The following SLC10A1 variants were observed in gnomAD, a reference collection of about 807,000 sequenced individuals.
SLC10A1 encodes the protein solute carrier family 10 member 1.
A neutral mutation model predicts 20.5 loss-of-function variants in SLC10A1; 36 were observed. The ratio of observed to expected loss-of-function variants is 1.75; its 90% CI spans 1.34 to 2.32. SLC10A1 has a LOEUF of 2.32. Among genes scored for constraint, SLC10A1 ranks in the 30% most tolerant of loss-of-function variants. The pLI, the probability that SLC10A1 is intolerant of heterozygous loss-of-function variation, is 0.00. For missense variants in SLC10A1, 545 were observed against 439.1 expected (o/e 1.24, Z -2.16); for synonymous variants, 188 against 163.6 (o/e 1.15, Z -1.14).
chr14:69,785,257 G>T (rs191376965), intron 2 of SLC10A1, among the ~76,000 whole-genome samples: 4 of 152,314 alleles, frequency 2.6e-5, no homozygotes, highest in Admixed American at 2.0e-4. Context: ...GTGGCATGAT[G>T]CCCTGTCTGT....
intron 1 of SLC10A1, among the ~76,000 whole-genome samples, chr14:69,790,472 C>G (rs143364458): frequency 2.1e-3 from 318 of 151,912 alleles, no homozygotes; most frequent in African/African-American, 7.4e-3. Flanking sequence ...TTAAAAAATA[C>G]AATGAACAAG....
chr14:69,784,733 G>A lies in SLC10A1; in HGVS notation c.567+1364C>T, dbSNP rs566843230. 3.3e-5 allele frequency among the ~76,000 whole-genome samples: 5 copies of A among 151,532 alleles called. 1 individual carries two copies. Among genetic ancestry groups the A allele is most frequent in the African/African-American group, 7.3e-5 (3 of 41,018 alleles). On this transcript the variant is annotated intron_variant, in intron 2 of 4. Coordinates refer to ENST00000216540, the MANE Select transcript of SLC10A1 (RefSeq NM_003049.4). ...AGATATTTTAGAAATGAGAGAGAGGGGAGGCTGCTGGGCCAGGGGCATAAT... is the reference window on the plus strand; with the variant it reads ...AGATATTTTAGAAATGAGAGAGAGGAGAGGCTGCTGGGCCAGGGGCATAAT...
intron 2 of SLC10A1, among the ~76,000 whole-genome samples, chr14:69,781,929 G>A (rs981236682): frequency 2.0e-5 from 3 of 152,214 alleles, no homozygotes; most frequent in Non-Finnish European, 4.4e-5. Flanking sequence ...TGAAAGTTGG[G>A]TTATTTTGAT....
intron 3 of SLC10A1, 56 bp downstream of exon 3, chr14:69,779,126 C>T (rs1883522527): frequency 1.5e-6 from 2 of 1,346,210 alleles, no homozygotes; most frequent in Admixed American, 2.4e-5. Flanking sequence ...GTGCTACTCC[C>T]CTCCAGCCTG....
At chr14:69,790,418 T>C (rs1883810142) in intron 1 of SLC10A1, among the ~76,000 whole-genome samples, 1 of 152,124 alleles carries the variant, frequency 6.6e-6, no homozygotes, top group African/African-American at 2.4e-5. Context: ...CTCTTATTTA[T>C]GAACATAGAA....
rs759954170 is a variant in SLC10A1 at position 69,779,221 on chromosome 14, A to C, written c.707T>G (p.Leu236Arg). The change falls in exon 3 of 5, where the codon CTG becomes CGG. Residue 236 changes from leucine (L) to arginine (R), a missense_variant. Physicochemically the swap from Leu to Arg is moderately radical, Grantham distance 102. Transcript: ENST00000216540. Reference sequence around the variant, plus strand: ...GAAGAGAGCAGAGAGAACATAACCCAGCAGAAAGCCAATAAAAGGCATCAG... The same window carrying C: ...GAAGAGAGCAGAGAGAACATAACCCCGCAGAAAGCCAATAAAAGGCATCAG... ...SSLMPFIGFLLGYVLSALFCL... is the reference protein window; with the variant it reads ...SSLMPFIGFLRGYVLSALFCL... 1 of 1,613,262 alleles carries C rather than the reference A, an allele frequency of 6.2e-7. No homozygotes were observed. Among genetic ancestry groups the C allele is most frequent in the Non-Finnish European group, 8.5e-7 (1 of 1,179,842 alleles).
chr14:69,783,681 G>A (rs867014896), intron 2 of SLC10A1, among the ~76,000 whole-genome samples: 12 of 152,214 alleles, frequency 7.9e-5, no homozygotes, highest in Non-Finnish European at 1.6e-4. Context: ...GCAGTGGAGT[G>A]ACATGATAGA....
intron 2 of SLC10A1, among the ~76,000 whole-genome samples, chr14:69,779,681 G>C (rs1006689568): frequency 6.6e-6 from 1 of 152,104 alleles, no homozygotes; most frequent in Admixed American, 6.5e-5. Context: ...TTTAGATTTC[G>C]TATCAGTAGC....
intron 2 of SLC10A1, 49 bp downstream of exon 2, chr14:69,786,048 G>T: frequency 7.8e-7 from 1 of 1,275,010 alleles, no homozygotes; most frequent in Non-Finnish European, 1.1e-6. Context: ...AGTTGTATAT[G>T]GTGTTTTTAC....
intron 1 of SLC10A1, among the ~76,000 whole-genome samples, chr14:69,794,187 G>A (rs918916856): frequency 1.3e-5 from 2 of 152,148 alleles, no homozygotes; most frequent in Non-Finnish European, 2.9e-5. Context: ...GCTACAGCTG[G>A]CCCTTTGACA....
intron 1 of SLC10A1, among the ~76,000 whole-genome samples, chr14:69,791,636 T>G (rs1883843251): frequency 6.6e-6 from 1 of 152,160 alleles, no homozygotes; most frequent in South Asian, 2.1e-4. Context: ...GACTTAACTT[T>G]CAGATAACAA....
At chr14:69,777,794 G>T (rs964736913) in intron 4 of SLC10A1, among the ~76,000 whole-genome samples, 1 of 151,442 alleles carries the variant, frequency 6.6e-6, no homozygotes, top group Admixed American at 6.6e-5. Context: ...TTTAACAACC[G>T]TATGCTTAAG....
In SLC10A1 at chr14:69,797,076, A is replaced by G; in HGVS notation, c.80T>C (p.Leu27Pro). 6.2e-7 allele frequency: 1 copy of G among 1,614,158 alleles called. No individual in the cohort carries two copies. Among genetic ancestry groups the G allele is most frequent in the Non-Finnish European group, 8.5e-7 (1 of 1,180,022 alleles). ...NFGKRPTDLA[L>P]SVILVFMLFF... ...CAACATGAACACCAGGATGACGCTC[A>G]GTGCCAGGTCTGTGGGGCGCTTGCC... The change falls in exon 1 of 5, where the codon CTG becomes CCG. Residue 27 changes from leucine (L) to proline (P), a missense_variant. Leu to Pro is a moderately conservative substitution (Grantham distance 98). Transcript: ENST00000216540.
At chr14:69,785,437 G>A (rs1883689264) in intron 2 of SLC10A1, among the ~76,000 whole-genome samples, 1 of 152,056 alleles carries the variant, frequency 6.6e-6, no homozygotes, top group South Asian at 2.1e-4. Flanking sequence ...TTCTCCCCAG[G>A]TTTACCTAAA....
intron 1 of SLC10A1, 57 bp from the exon 2 acceptor site, chr14:69,786,364 T>A: frequency 6.9e-7 from 1 of 1,446,812 alleles, no homozygotes; most frequent in Non-Finnish European, 9.7e-7. Flanking sequence ...ACAGACTATT[T>A]TGTTGAGTGC....
chr14:69,779,628 G>A (rs116084010), intron 2 of SLC10A1, among the ~76,000 whole-genome samples: 3,528 of 152,218 alleles, frequency 0.023, 93 homozygotes, highest in African/African-American at 0.063. Context: ...GCCTTCCAAA[G>A]TGCTGGGATT....
Position 69,797,088 on chromosome 14 carries a change from G to A in SLC10A1, c.68C>T (p.Thr23Ile), listed in dbSNP as rs1463688979. 1 of 1,614,152 alleles carries A rather than the reference G, an allele frequency of 6.2e-7. No individual in the cohort carries two copies. Among genetic ancestry groups the A allele is most frequent in the Admixed American group, 1.7e-5 (1 of 60,022 alleles). ...CAGGATGACGCTCAGTGCCAGGTCT[G>A]TGGGGCGCTTGCCAAAGTTGGGTGG... is the stretch of plus-strand genomic sequence containing the variant. The part of the protein sequence containing the change: ...TLPPNFGKRP[T>I]DLALSVILVF... The change falls in exon 1 of 5, where the codon ACA (threonine) becomes ATA (isoleucine). Residue 23 changes from threonine to isoleucine, a missense_variant. Thr to Ile is a moderately conservative substitution (Grantham distance 89). Transcript: ENST00000216540.
At chr14:69,794,194 G>C (rs1882340978) in intron 1 of SLC10A1, among the ~76,000 whole-genome samples, 1 of 152,148 alleles carries the variant, frequency 6.6e-6, no homozygotes, top group Admixed American at 6.5e-5. Context: ...CTGGCCCTTT[G>C]ACATGTATTG....
chr14:69,795,046 C>A (rs900225091), intron 1 of SLC10A1, among the ~76,000 whole-genome samples: 1 of 152,198 alleles, frequency 6.6e-6, no homozygotes, highest in Non-Finnish European at 1.5e-5. Flanking sequence ...AGTACCCCTT[C>A]GCAGGCCCCT....
Sources: gnomAD v4.1 joint callset for allele counts (sites outside exome capture counted in the v4.1 genomes callset) on GRCh38, gnomAD v4.1.1 for gene constraint, MANE v1.5 for transcripts, NCBI Gene and HGNC (gene_info 2026-07-23, HGNC 2026-07-21) for gene names.